The following ZNF407 variants were observed in gnomAD, a reference collection of about 807,000 sequenced individuals.
The protein encoded by ZNF407 is zinc finger protein 407.
In ZNF407, 17 loss-of-function variants were observed where a neutral mutation model predicts 131.2. The ratio of observed to expected loss-of-function variants is 0.13; its 90% confidence interval spans 0.09 to 0.19. The LOEUF (loss-of-function observed/expected upper bound fraction) is 0.19. Among genes scored for constraint, ZNF407 ranks in the 10% least tolerant of loss-of-function variants. The pLI is 1.00. For missense variants in ZNF407, 2,681 were observed against 2,830.6 expected (o/e 0.95, Z 1.20); for synonymous variants, 1,156 against 1,062.0 (o/e 1.09, Z -1.72).
intron 3 of ZNF407, among the ~76,000 whole-genome samples, chr18:74,713,016 G>A (rs966400561): frequency 2.0e-5 from 3 of 152,214 alleles, no homozygotes; most frequent in Non-Finnish European, 2.9e-5. Context: ...TAAGTAGCAA[G>A]GGTTGGAACA....
At chr18:74,648,999 A>G (rs1366695117) in intron 3 of ZNF407, among the ~76,000 whole-genome samples, 1 of 152,154 alleles carries the variant, frequency 6.6e-6, no homozygotes, top group African/African-American at 2.4e-5. Context: ...TTTTCTTCTG[A>G]GACCCTGTCT....
intron 8 of ZNF407, among the ~76,000 whole-genome samples, chr18:74,991,865 C>T (rs1004815713): frequency 6.6e-6 from 1 of 152,212 alleles, no homozygotes; most frequent in Non-Finnish European, 1.5e-5. Flanking sequence ...CCTTCTCAAA[C>T]AGTTTTGAGA....
intron 3 of ZNF407, among the ~76,000 whole-genome samples, chr18:74,770,628 G>A (rs1272797912): frequency 6.6e-6 from 1 of 152,078 alleles, no homozygotes; most frequent in African/African-American, 2.4e-5. Flanking sequence ...ATCTTCATAT[G>A]GACCCTCATT....
chr18:74,818,589 G>A (rs187990023), intron 4 of ZNF407, among the ~76,000 whole-genome samples: 6 of 152,304 alleles, frequency 3.9e-5, no homozygotes, highest in African/African-American at 1.4e-4. Flanking sequence ...AATAAGCGAA[G>A]CTCCTTTTAC....
chr18:74,875,864 CTA>C (rs1971148899), intron 4 of ZNF407, among the ~76,000 whole-genome samples: 1 of 152,036 alleles, frequency 6.6e-6, no homozygotes, highest in Admixed American at 6.5e-5. Context: ...AAATATTTAA[CTA>C]TTTTTATTTC....
chr18:74,628,906 A>G (rs1428573898), intron 1 of ZNF407, among the ~76,000 whole-genome samples: 2 of 152,106 alleles, frequency 1.3e-5, no homozygotes, highest in African/African-American at 4.8e-5. Context: ...TTATGACTGA[A>G]TACTATTTCA....
At chr18:74,812,972 A>G (rs1002678004) in intron 4 of ZNF407, among the ~76,000 whole-genome samples, 2 of 151,972 alleles carry the variant, frequency 1.3e-5, no homozygotes, top group African/African-American at 2.4e-5. Context: ...CCATTTTTTC[A>G]TCAATTTCTT....
At chr18:74,656,157 C>T (rs1448796966) in intron 3 of ZNF407, among the ~76,000 whole-genome samples, 1 of 152,052 alleles carries the variant, frequency 6.6e-6, no homozygotes, top group African/African-American at 2.4e-5. Flanking sequence ...AGAAATTTTA[C>T]TCACACATTT....
At chr18:75,042,982 T>G (rs1235414210) in intron 8 of ZNF407, among the ~76,000 whole-genome samples, 1 of 152,192 alleles carries the variant, frequency 6.6e-6, no homozygotes, top group African/African-American at 2.4e-5. Flanking sequence ...TGTGGGTGAT[T>G]AGGAATCACC....
At chr18:75,022,108 TAAC>T (rs1413075369) in intron 8 of ZNF407, among the ~76,000 whole-genome samples, 2 of 152,056 alleles carry the variant, frequency 1.3e-5, no homozygotes, top group Non-Finnish European at 2.9e-5. Flanking sequence ...ACTAGTAACT[TAAC>T]AAATGCAAAC....
At chr18:74,979,553 A>G (rs1296682477) in intron 8 of ZNF407, among the ~76,000 whole-genome samples, 1 of 152,170 alleles carries the variant, frequency 6.6e-6, no homozygotes, top group Non-Finnish European at 1.5e-5. Context: ...CGGCCTCCCA[A>G]AGTGCTGGGA....
intron 6 of ZNF407, among the ~76,000 whole-genome samples, chr18:74,885,609 G>T (rs1414987894): frequency 6.6e-6 from 1 of 152,180 alleles, no homozygotes; most frequent in African/African-American, 2.4e-5. Context: ...AATCCTTCTG[G>T]TGTTGGCATC....
chr18:74,795,698 T>C (rs1454214597), intron 4 of ZNF407, among the ~76,000 whole-genome samples: 1 of 152,262 alleles, frequency 6.6e-6, no homozygotes, highest in Non-Finnish European at 1.5e-5. Context: ...TGCCATGTAC[T>C]GAATTGTGTA....
intron 4 of ZNF407, among the ~76,000 whole-genome samples, chr18:74,797,068 A>G (rs768271563): frequency 8.5e-5 from 13 of 152,200 alleles, no homozygotes; most frequent in Non-Finnish European, 1.9e-4. Context: ...GCCTGCTTGT[A>G]GGCAGGGAAG....
chr18:74,734,302 A>G (rs1314118140), intron 3 of ZNF407, among the ~76,000 whole-genome samples: 1 of 152,162 alleles, frequency 6.6e-6, no homozygotes, highest in Admixed American at 6.5e-5. Context: ...CCAGTATTGC[A>G]CAATTGTGTA....
chr18:74,769,752 T>A (rs887524839), intron 3 of ZNF407, among the ~76,000 whole-genome samples: 4 of 152,242 alleles, frequency 2.6e-5, no homozygotes, highest in Non-Finnish European at 4.4e-5. Context: ...AACTCTAGAC[T>A]GGAGCATTTT....
At chr18:74,954,490 T>C (rs1972253494) in intron 8 of ZNF407, among the ~76,000 whole-genome samples, 1 of 152,216 alleles carries the variant, frequency 6.6e-6, no homozygotes, top group Non-Finnish European at 1.5e-5. Context: ...GTTTTCATTG[T>C]TGTTTATTAG....
At chr18:74,643,936 T>C (rs953760842) in intron 3 of ZNF407, among the ~76,000 whole-genome samples, 1 of 151,964 alleles carries the variant, frequency 6.6e-6, no homozygotes, top group South Asian at 2.1e-4. Context: ...AAATCTTAAC[T>C]ACCGTATATC....
Position 75,064,078 on chromosome 18 carries a change from G to T in ZNF407, c.6357G>T (p.Glu2119Asp). 6.3e-7 allele frequency: 1 copy of T among 1,589,382 alleles called. No individual in the cohort carries two copies. The highest frequency in any genetic ancestry group is 1.1e-5 in the South Asian group (1 of 87,468). ...GTGCCGTCCACATGGTCGCCGGGGA[G>T]GGTGCCCAGATCATCATGCAGGAGG... is the stretch of plus-strand genomic sequence containing the variant. ...EEGAVHMVAG[E>D]GAQIIMQEAQ... Residue 2119 changes from glutamate to aspartate, a missense_variant, in exon 9 of 9, where the codon GAG becomes GAT. Transcript: ENST00000299687.
Sources: gnomAD v4.1 joint callset for allele counts (sites outside exome capture counted in the v4.1 genomes callset) on GRCh38, gnomAD v4.1.1 for gene constraint, MANE v1.5 for transcripts, NCBI Gene and HGNC (gene_info 2026-07-23, HGNC 2026-07-21) for gene names.